Variants in LSM14A observed in about 807,000 individuals in gnomAD.
LSM14A encodes the protein protein LSM14 homolog A.
Under a neutral mutation model 52.4 loss-of-function variants are expected in LSM14A, and 14 were observed. The ratio of observed to expected loss-of-function variants is 0.27; its 90% confidence interval spans 0.18 to 0.42. LSM14A has a LOEUF of 0.42. Ranked by LOEUF, LSM14A falls within the 10% of genes least tolerant of loss-of-function variation. The pLI, the probability that LSM14A is intolerant of heterozygous loss-of-function variation, is 1.00. For synonymous variants in LSM14A, 185 were observed against 200.3 expected, an observed-to-expected ratio of 0.92 and a Z score of 0.64; for missense variants, 417 against 581.8, an observed-to-expected ratio of 0.72 and a Z score of 2.91.
At chr19:34,183,379 C>T (rs1297645324) in intron 1 of LSM14A, among the ~76,000 whole-genome samples, 3 of 151,948 alleles carry the variant, frequency 2.0e-5, no homozygotes, top group East Asian at 3.9e-4. Flanking sequence ...GGTGAAACCC[C>T]GTCTCTACTA....
intron 3 of LSM14A, chr19:34,208,634 G>C (rs903842759): frequency 3.6e-5 from 8 of 221,868 alleles, no homozygotes; most frequent in Non-Finnish European, 6.1e-5. Flanking sequence ...AGTTGGTATG[G>C]GTCCTTGCTG....
chr19:34,181,248 C>T (rs2069460197), intron 1 of LSM14A, among the ~76,000 whole-genome samples: 1 of 152,144 alleles, frequency 6.6e-6, no homozygotes, highest in Non-Finnish European at 1.5e-5. Flanking sequence ...TGTCTGCTTA[C>T]AGATAGGCAG....
At chr19:34,201,273 C>G (rs1016458722) in intron 3 of LSM14A, among the ~76,000 whole-genome samples, 4 of 152,088 alleles carry the variant, frequency 2.6e-5, no homozygotes, top group African/African-American at 7.2e-5. Flanking sequence ...TTAGAAGTTA[C>G]CAAATGAGGA....
intron 1 of LSM14A, among the ~76,000 whole-genome samples, chr19:34,189,089 T>C (rs1016324197): frequency 6.6e-6 from 1 of 152,164 alleles, no homozygotes; most frequent in Non-Finnish European, 1.5e-5. Context: ...GACATAAATA[T>C]AATGCCTGCC....
chr19:34,209,152 A>G, intron 4 of LSM14A, 101 bp downstream of exon 4: 19 of 1,025,760 alleles, frequency 1.9e-5, no homozygotes, highest in Non-Finnish European at 2.6e-5. Context: ...TCGCGTGTAT[A>G]ATTTCTATTT....
rs1370603291 is a variant in LSM14A at position 34,219,424 on chromosome 19, G to A, written c.815G>A (p.Arg272His). The A allele has an allele frequency of 1.2e-6, 2 of 1,613,780 alleles. No individual in the cohort carries two copies. Among genetic ancestry groups the A allele is most frequent in the Non-Finnish European group, 1.7e-6 (2 of 1,179,836 alleles). ...GCTCCTTCAGCTCCAAGGAGAGGGC[G>A]TGGGGGTCATCGGGGTGGCAGGGGA... ...PGAPSAPRRGRGGHRGGRGRF... is the reference protein window; with the variant it reads ...PGAPSAPRRGHGGHRGGRGRF... Residue 272 changes from arginine to histidine, a missense_variant, in exon 7 of 10, where the codon CGT becomes CAT. By Grantham distance (29) the Arg-to-His change is conservative. This residue lies in a region of LSM14A where 357 missense variants were observed against 457.0 expected (regional missense o/e 0.78). Transcript: ENST00000544216.
Position 34,215,633 on chromosome 19 carries a change from A to G in LSM14A, c.753A>G (p.Gln251=). ...AAGTTTCAAGGCCAGAAAATGAGCA[A>G]CTCAGAAATGATAACAAGAGACAAG... ...VHKVSRPENE[Q]LRNDNKRQVA... is the part of the protein sequence containing the mutation. The change falls in exon 6 of 10, where the codon CAA becomes CAG. Residue 251 remains glutamine, a synonymous_variant. Transcript: ENST00000544216. 6.2e-7 allele frequency: 1 copy of G among 1,613,710 alleles called. No homozygotes were observed. The highest frequency in any genetic ancestry group is 8.5e-7 in the Non-Finnish European group (1 of 1,179,684).
intron 1 of LSM14A, among the ~76,000 whole-genome samples, chr19:34,185,119 G>C (rs1286926808): frequency 6.6e-6 from 1 of 152,178 alleles, no homozygotes; most frequent in Non-Finnish European, 1.5e-5. Flanking sequence ...AGATGGCTTT[G>C]GGGTTTTTTC....
chr19:34,210,437 TTTTTTTGTA>T (rs1468016146), intron 4 of LSM14A, among the ~76,000 whole-genome samples: 3 of 151,922 alleles, frequency 2.0e-5, no homozygotes, highest in African/African-American at 4.8e-5. Flanking sequence ...GCCCAGCTCA[TTTTTTTGTA>T]TTTTTGGTAG....
chr19:34,222,939 A>G (rs1205316630), intron 9 of LSM14A, among the ~76,000 whole-genome samples: 1 of 152,144 alleles, frequency 6.6e-6, no homozygotes, highest in Non-Finnish European at 1.5e-5. Context: ...TATTTTCACA[A>G]ATATTTTATT....
At chr19:34,225,913 A>G (rs569238008) in intron 9 of LSM14A, among the ~76,000 whole-genome samples, 8 of 152,132 alleles carry the variant, frequency 5.3e-5, no homozygotes, top group Admixed American at 1.3e-4. Context: ...AAGTTTAAAA[A>G]TTAGCTGGAG....
At chr19:34,226,945 G>A (rs541084102) in intron 9 of LSM14A, among the ~76,000 whole-genome samples, 190 of 152,178 alleles carry the variant, frequency 1.2e-3, no homozygotes, top group Middle Eastern at 3.4e-3. Flanking sequence ...ATACTGACTG[G>A]GTATTTTATT....
At position 34,227,506 on chromosome 19, in the gene LSM14A, G is replaced by T; in HGVS notation, c.*118G>T. 1.3e-6 allele frequency: 1 copy of T among 775,104 alleles called. No individual in the cohort carries two copies. The highest frequency in any genetic ancestry group is 2.1e-5 in the South Asian group (1 of 48,178). The allele number at this position is 775,104 out of a possible 1,614,324, so 48.0% of individuals were successfully genotyped here. ...TCGCTGTACATTTGTCACCAGCACT[G>T]GGTTTTTGTTTTTTGTTTGTTTTTC... On this transcript the variant is annotated 3_prime_UTR_variant, in exon 10 of 10. Coordinates refer to ENST00000544216, the MANE Select transcript of LSM14A (RefSeq NM_015578.4).
chr19:34,196,492 A>G, intron 2 of LSM14A, 142 bp from the exon 3 acceptor site: 2 of 698,348 alleles, frequency 2.9e-6, no homozygotes, highest in Non-Finnish European at 4.3e-6. Flanking sequence ...GGCTATTTTA[A>G]TATTAAGTGC....
intron 4 of LSM14A, among the ~76,000 whole-genome samples, chr19:34,211,158 T>C (rs2072116395): frequency 6.6e-6 from 1 of 151,272 alleles, no homozygotes; most frequent in African/African-American, 2.4e-5. Flanking sequence ...AATACAAAAA[T>C]TAGCCGGGCA....
At chr19:34,180,987 A>G (rs989573956) in intron 1 of LSM14A, among the ~76,000 whole-genome samples, 17 of 152,350 alleles carry the variant, frequency 1.1e-4, no homozygotes, top group African/African-American at 3.4e-4. Flanking sequence ...CGTGCTTTCT[A>G]TAGCAGTTAA....
intron 9 of LSM14A, among the ~76,000 whole-genome samples, chr19:34,222,227 G>T (rs640795): frequency 1.3e-3 from 191 of 152,334 alleles, no homozygotes; most frequent in African/African-American, 4.5e-3. Context: ...AAGTGATGGT[G>T]CTGGGTGTTG....
rs545385357 is a variant in LSM14A at position 34,202,248 on chromosome 19, C to T, written c.415+5485C>T. On this transcript the variant is annotated intron_variant, in intron 3 of 9. Transcript: ENST00000544216. ...AGCCTGGAGTACAAAGACGTTAGCACTTTGGGAGGCCATGGCAGGAGGATT... is the reference window on the plus strand; with the variant it reads ...AGCCTGGAGTACAAAGACGTTAGCATTTTGGGAGGCCATGGCAGGAGGATT... 2.0e-5 allele frequency among the ~76,000 whole-genome samples: 3 copies of T among 149,458 alleles called. No individual in the cohort carries two copies. In the South Asian group the frequency reaches 6.3e-4, roughly 32 times the overall value.
At position 34,228,101 on chromosome 19, in the gene LSM14A, C is replaced by CTA. The variant is rs1448881303; in HGVS notation, c.*714_*715insAT. The CTA allele has an allele frequency of 1.3e-5, 2 of 152,594 alleles. No homozygotes were observed. Among genetic ancestry groups the CTA allele is most frequent in the African/African-American group, 4.8e-5 (2 of 41,430 alleles). The allele number at this position is 152,594 out of a possible 1,614,324, so 9.5% of individuals were successfully genotyped here. A position where few individuals can be genotyped will look rare whatever the true frequency, so the allele number is the denominator to read the frequency against. On this transcript the variant is annotated 3_prime_UTR_variant, in exon 10 of 10. Coordinates refer to ENST00000544216, the MANE Select transcript of LSM14A (RefSeq NM_015578.4). Reference sequence around the variant, plus strand: ...AAACATTTTAAAGTCAGCAAACATACTGTGTCCTTGCAGAAGTTGATGTGC... The same window carrying CTA: ...AAACATTTTAAAGTCAGCAAACATACTATGTGTCCTTGCAGAAGTTGATGTGC...
Sources: gnomAD v4.1 joint callset for allele counts (sites outside exome capture counted in the v4.1 genomes callset) on GRCh38, gnomAD v4.1.1 for gene constraint, gnomAD v4.1.1 regional missense constraint, MANE v1.5 for transcripts, NCBI Gene and HGNC (gene_info 2026-07-23, HGNC 2026-07-21) for gene names.